The following MORC1 variants were observed in gnomAD, a reference collection of about 807,000 sequenced individuals.
MORC1 encodes MORC family CW-type zinc finger protein 1.
Under a neutral mutation model 134.9 loss-of-function variants are expected in MORC1, and 59 were observed. The ratio of observed to expected loss-of-function variants is 0.44; its 90% confidence interval spans 0.35 to 0.54. The LOEUF is 0.54. MORC1 is among the 20% of genes least tolerant of loss of function. The probability of loss-of-function intolerance (pLI) is 0.00; values close to 1 mark genes in which losing one functional copy is unlikely to be tolerated. For missense variants in MORC1, 947 were observed against 1,134.5 expected (o/e 0.83, Z 2.37); for synonymous variants, 395 against 391.7 (o/e 1.01, Z -0.10).
intron 17 of MORC1, among the ~76,000 whole-genome samples, chr3:109,010,153 C>T (rs1210355262): frequency 1.3e-5 from 2 of 152,146 alleles, no homozygotes; most frequent in Non-Finnish European, 2.9e-5. Context: ...CCCTCTTTCT[C>T]TCTTTACCAT....
chr3:109,067,114 A>C (rs150957452), intron 9 of MORC1, among the ~76,000 whole-genome samples: 125 of 152,278 alleles, frequency 8.2e-4, no homozygotes, highest in African/African-American at 2.9e-3. Context: ...CATAGCGTTA[A>C]TGTCCCAGAA....
At chr3:109,061,076 T>C (rs1478099577) in intron 11 of MORC1, among the ~76,000 whole-genome samples, 1 of 152,068 alleles carries the variant, frequency 6.6e-6, no homozygotes, top group African/African-American at 2.4e-5. Context: ...TACTCTTTGA[T>C]GTCATCCCTT....
chr3:108,996,479 G>A (rs1948232087), intron 21 of MORC1, among the ~76,000 whole-genome samples: 1 of 152,186 alleles, frequency 6.6e-6, no homozygotes, highest in Admixed American at 6.5e-5. Context: ...AGGTCCAACT[G>A]AGAGGCTATC....
chr3:109,057,312 C>A, intron 13 of MORC1, 31 bp downstream of exon 13: 1 of 1,595,602 alleles, frequency 6.3e-7, no homozygotes, highest in East Asian at 2.2e-5. Flanking sequence ...CCTTTCTCTG[C>A]TTATATCTCT....
At chr3:109,054,671 A>G in intron 14 of MORC1, 57 bp downstream of exon 14, 1 of 1,367,846 alleles carries the variant, frequency 7.3e-7, no homozygotes, top group African/African-American at 1.5e-5. Context: ...AGCTTAAAGA[A>G]ATCACAGAAA....
At chr3:109,028,485 T>C (rs1225059382) in intron 16 of MORC1, among the ~76,000 whole-genome samples, 3 of 152,168 alleles carry the variant, frequency 2.0e-5, no homozygotes. Flanking sequence ...CGTAAGAGTA[T>C]CTGCTTTCCA....
In MORC1 at chr3:109,044,008, G is replaced by A. The variant is rs1949623279; in HGVS notation, c.1331-8540C>T. ...TTACTACTACAAAGAGTAGATGGCTGAAAGCACACAGCTAATTTTCAAAAT... is the reference window on the plus strand; with the variant it reads ...TTACTACTACAAAGAGTAGATGGCTAAAAGCACACAGCTAATTTTCAAAAT... On this transcript the variant is annotated intron_variant, in intron 14 of 27. Transcript: ENST00000232603. Among the ~76,000 whole-genome samples the A allele has an allele frequency of 3.3e-5, 5 of 152,268 alleles. No individual in the cohort carries two copies. The South Asian group carries it at 1.0e-3, about 32-fold the overall frequency.
At chr3:109,035,302 C>G in intron 15 of MORC1, 38 bp downstream of exon 15, 1 of 1,545,124 alleles carries the variant, frequency 6.5e-7, no homozygotes, top group Non-Finnish European at 8.8e-7. Context: ...TTTAAGAGCC[C>G]TTAACATTTG....
In MORC1 at chr3:109,004,647, A is replaced by G. The variant is rs148423662; in HGVS notation, c.2085+170T>C. On this transcript the variant is annotated intron_variant, in intron 20 of 27. Transcript: ENST00000232603. ...AACATGACTCTCAACACTTAGTAAT[A>G]CATTAACATTATATCCCAGTTTTTT... Among the ~76,000 whole-genome samples, 1,129 of 152,346 alleles carry G rather than the reference A, an allele frequency of 7.4e-3. 6 individuals carry two copies. The highest frequency in any genetic ancestry group is 0.013 in the Non-Finnish European group (878 of 68,030).
At chr3:109,030,593 G>C (rs1187301484) in intron 16 of MORC1, among the ~76,000 whole-genome samples, 1 of 152,176 alleles carries the variant, frequency 6.6e-6, no homozygotes, top group Non-Finnish European at 1.5e-5. Context: ...TATCATGTCA[G>C]TATATTTAAA....
At chr3:109,004,163 A>G (rs1948481518) in intron 20 of MORC1, among the ~76,000 whole-genome samples, 1 of 152,200 alleles carries the variant, frequency 6.6e-6, no homozygotes. Context: ...CACTCCCACC[A>G]TGACTACCCA....
At chr3:109,095,701 T>G (rs577305285) in intron 6 of MORC1, among the ~76,000 whole-genome samples, 1 of 152,314 alleles carries the variant, frequency 6.6e-6, no homozygotes, top group South Asian at 2.1e-4. Flanking sequence ...TGCTGAGATC[T>G]TCAGATCTCG....
intron 23 of MORC1, among the ~76,000 whole-genome samples, chr3:108,982,742 G>A (rs2715693): frequency 0.39 from 51,698 of 132,380 alleles, 10,639 homozygotes; most frequent in Middle Eastern, 0.51. Context: ...AAAAAAAAAA[G>A]AAGAAGAAGA....
At chr3:108,962,054 A>G (rs1270390332) in intron 27 of MORC1, among the ~76,000 whole-genome samples, 2 of 152,206 alleles carry the variant, frequency 1.3e-5, no homozygotes, top group Non-Finnish European at 2.9e-5. Flanking sequence ...CACAGCCACA[A>G]GAACCAAAAG....
At chr3:109,062,153 A>G in intron 10 of MORC1, 95 bp from the exon 11 acceptor site, 4 of 1,049,878 alleles carry the variant, frequency 3.8e-6, no homozygotes, top group Admixed American at 1.8e-5. Flanking sequence ...CCAGTGAAAA[A>G]GGCATACAGA....
At chr3:109,088,278 G>T (rs6437820) in intron 8 of MORC1, among the ~76,000 whole-genome samples, 118,801 of 151,908 alleles carry the variant, frequency 0.78, 47,501 homozygotes, top group East Asian at 0.93. Context: ...TATCAACAAA[G>T]TAAACAGACA....
intron 9 of MORC1, among the ~76,000 whole-genome samples, chr3:109,067,359 A>G (rs1950220534): frequency 6.6e-6 from 1 of 152,212 alleles, no homozygotes; most frequent in Non-Finnish European, 1.5e-5. Context: ...GAAATCACCT[A>G]GAAATTTTTT....
intron 8 of MORC1, among the ~76,000 whole-genome samples, chr3:109,079,012 CA>C (rs1449737676): frequency 1.3e-5 from 2 of 151,864 alleles, no homozygotes; most frequent in African/African-American, 4.8e-5. Flanking sequence ...ATAAGGCAAC[CA>C]GATTTTCAAG....
chr3:108,996,165 G>A (rs11713944), intron 21 of MORC1, among the ~76,000 whole-genome samples: 63,900 of 151,962 alleles, frequency 0.42, 14,121 homozygotes, highest in Middle Eastern at 0.55. Flanking sequence ...GTTATGAAGA[G>A]GTGAGATGAG....
Sources: allele counts gnomAD v4.1 joint callset (sites outside exome capture counted in the v4.1 genomes callset), GRCh38; gene constraint gnomAD v4.1.1; transcripts MANE v1.5; gene names NCBI Gene and HGNC (gene_info 2026-07-23, HGNC 2026-07-21).